The following STYK1 variants were observed in gnomAD, a reference collection of about 807,000 sequenced individuals.
STYK1 encodes the protein tyrosine-protein kinase STYK1.
Under a neutral mutation model 48.1 loss-of-function variants are expected in STYK1, and 46 were observed. That is an observed-to-expected ratio of 0.96 (90% confidence interval 0.75 to 1.22). The LOEUF (loss-of-function observed/expected upper bound fraction) is 1.22, where lower values mean the gene tolerates loss of function less well. Among genes scored for constraint, STYK1 ranks in the 50% most tolerant of loss-of-function variants. STYK1 has a pLI of 0.00. For synonymous variants in STYK1, 188 were observed against 189.0 expected (o/e 0.99, Z 0.04); for missense variants, 527 against 521.1 (o/e 1.01, Z -0.11).
intron 1 of STYK1, among the ~76,000 whole-genome samples, chr12:10,654,102 C>T (rs1454111030): frequency 2.0e-5 from 3 of 152,192 alleles, no homozygotes; most frequent in African/African-American, 7.2e-5. Flanking sequence ...AATTATAATG[C>T]ATTAGCATGC....
At chr12:10,668,241 C>T (rs7297205) in intron 1 of STYK1, among the ~76,000 whole-genome samples, 72,052 of 151,858 alleles carry the variant, frequency 0.47, 18,743 homozygotes, top group African/African-American at 0.71. Context: ...AGGTGCCTTG[C>T]TGTTTGCTCA....
At chr12:10,629,790 T>C (rs1947402335) in intron 5 of STYK1, 116 bp from the exon 6 acceptor site, 1 of 1,114,190 alleles carries the variant, frequency 9.0e-7, no homozygotes, top group Non-Finnish European at 1.3e-6. Context: ...TGGGAGTGAA[T>C]GAAGGCAAAA....
chr12:10,628,578 C>T (rs1276405790), intron 6 of STYK1, among the ~76,000 whole-genome samples: 1 of 152,146 alleles, frequency 6.6e-6, no homozygotes, highest in East Asian at 1.9e-4. Flanking sequence ...ATAACAGGGT[C>T]CCTTTCTCAT....
At chr12:10,624,961 T>A in intron 7 of STYK1, 102 bp from the exon 8 acceptor site, 3 of 975,260 alleles carry the variant, frequency 3.1e-6, no homozygotes, top group Non-Finnish European at 4.8e-6. Context: ...CAAGGACATT[T>A]TCTACTCTGA....
At chr12:10,634,177 G>A in intron 3 of STYK1, 53 bp from the exon 4 acceptor site, 3 of 1,576,346 alleles carry the variant, frequency 1.9e-6, no homozygotes, top group Non-Finnish European at 2.6e-6. Context: ...CTAACCTGGT[G>A]TTCATGCAAT....
chr12:10,631,465 T>C (rs554431930), intron 4 of STYK1, among the ~76,000 whole-genome samples, 157 bp from the exon 5 acceptor site: 3 of 152,332 alleles, frequency 2.0e-5, no homozygotes, highest in African/African-American at 4.8e-5. Context: ...AGCATCAATG[T>C]CAAGTTTGTA....
At chr12:10,641,791 C>T (rs1190075925) in intron 1 of STYK1, among the ~76,000 whole-genome samples, 26 of 152,194 alleles carry the variant, frequency 1.7e-4, no homozygotes, top group Non-Finnish European at 3.8e-4. Context: ...CCTCCTGCCT[C>T]ATTCTGTACA....
chr12:10,655,754 T>C (rs1267084879), intron 1 of STYK1, among the ~76,000 whole-genome samples: 4 of 152,204 alleles, frequency 2.6e-5, no homozygotes, highest in Non-Finnish European at 5.9e-5. Context: ...AGGTTACCTT[T>C]GGTAAAGCTT....
In STYK1 at chr12:10,621,952, C is replaced by A. The variant is rs61730096; in HGVS notation, c.988G>T (p.Val330Phe). 1 of 1,613,848 alleles carries A rather than the reference C, an allele frequency of 6.2e-7. No individual in the cohort carries two copies. The change falls in exon 10 of 11, where the codon GTC becomes TTC. Residue 330 changes from valine (V) to phenylalanine (F), a missense_variant. Physicochemically the swap from Val to Phe is conservative, Grantham distance 50 (BLOSUM62 -1). Coordinates refer to ENST00000075503, the MANE Select transcript of STYK1 (RefSeq NM_018423.3). ...TGCTCTAGGATGCTGGTAGGAGGGA[C>A]TTCAGGATACGGTGGTGCTCCTGTC... ...VTLGAPPYPE[V>F]PPTSILEHLQ...
rs934384620 is a variant in STYK1 at position 10,672,979 on chromosome 12, T to A, written c.-195+987A>T. On this transcript the variant is annotated intron_variant, in intron 1 of 10. Transcript: ENST00000075503. This position sits in a 1 kb window ranked among gnomAD's most constrained non-coding sequence, Gnocchi z 4.0. The stretch of plus-strand genomic sequence containing the variant: ...TATTTCAGTTGAGCTGTGCTGCACA[T>A]TACAGTAACTCGACTCCTTTATTGC... 6.6e-6 allele frequency among the ~76,000 whole-genome samples: 1 copy of A among 152,068 alleles called. No homozygotes were observed. The highest frequency in any genetic ancestry group is 6.5e-5 in the Admixed American group (1 of 15,282).
Position 10,619,972 on chromosome 12 carries a change from G to T in STYK1, c.*172C>A. 1 of 714,612 alleles carries T rather than the reference G, an allele frequency of 1.4e-6. No homozygotes were observed. Among genetic ancestry groups the T allele is most frequent in the Non-Finnish European group, 2.4e-6 (1 of 425,086 alleles). The allele number at this position is 714,612 out of a possible 1,614,324, so 44.3% of individuals were successfully genotyped here. A position where few individuals can be genotyped will look rare whatever the true frequency, so the allele number is the denominator to read the frequency against. On this transcript the variant is annotated 3_prime_UTR_variant, in exon 11 of 11. Coordinates refer to ENST00000075503, the MANE Select transcript of STYK1 (RefSeq NM_018423.3). ...GACAGTATGTCTTAGCTCAGGATGT[G>T]TAGAGTCCCATCCAGCATCATTTCA...
chr12:10,628,497 T>C (rs751008633), intron 6 of STYK1, among the ~76,000 whole-genome samples: 7 of 152,188 alleles, frequency 4.6e-5, no homozygotes, highest in Non-Finnish European at 8.8e-5. Context: ...TTTAGATGAG[T>C]GACCTCTTTA....
At chr12:10,634,949 A>G (rs1344084844) in intron 2 of STYK1, among the ~76,000 whole-genome samples, 1 of 152,078 alleles carries the variant, frequency 6.6e-6, no homozygotes, top group East Asian at 1.9e-4. Flanking sequence ...ACTGTTACTG[A>G]AATTATTTTA....
intron 6 of STYK1, among the ~76,000 whole-genome samples, chr12:10,629,249 A>G (rs536947058): frequency 6.6e-6 from 1 of 152,322 alleles, no homozygotes; most frequent in East Asian, 1.9e-4. Flanking sequence ...TAGTTTCTCC[A>G]TCACATCAGC....
intron 4 of STYK1, 84 bp from the exon 5 acceptor site, chr12:10,631,392 G>T (rs1482728521): frequency 2.0e-6 from 3 of 1,538,418 alleles, no homozygotes; most frequent in African/African-American, 1.4e-5. Context: ...TGGCAAGGAG[G>T]TTCCTTCAGC....
chr12:10,666,913 G>C lies in STYK1; in HGVS notation c.-195+7053C>G, dbSNP rs1947839700. Among the ~76,000 whole-genome samples, 4 of 152,170 alleles carry C rather than the reference G, an allele frequency of 2.6e-5. No homozygotes were observed. The South Asian group carries it at 8.3e-4, about 31-fold the overall frequency. On this transcript the variant is annotated intron_variant, in intron 1 of 10. Transcript: ENST00000075503. ...CAGTCTTGGGCAGTTCTTTATAGCA[G>C]TGTGAGAAAGGACTAGTACACATGT...
In STYK1 at chr12:10,629,616, G is replaced by A; in HGVS notation, c.510C>T (p.Tyr170=). The A allele has an allele frequency of 6.2e-7, 1 of 1,614,190 alleles. No homozygotes were observed. The highest frequency in any genetic ancestry group is 2.2e-5 in the East Asian group (1 of 44,876). ...GCACCAGGTTTTTGTGTTTCCCCAG[G>A]TATTGATGGAATTGGATTCGCCCTA... is the stretch of plus-strand genomic sequence containing the variant. ...DFLGRIQFHQ[Y]LGKHKNLVQL... is the part of the protein sequence containing the mutation. The change falls in exon 6 of 11, where the codon TAC becomes TAT. Residue 170 remains tyrosine (Y), a synonymous_variant. Coordinates refer to ENST00000075503, the MANE Select transcript of STYK1 (RefSeq NM_018423.3).
chr12:10,622,978 C>T (rs553398635), intron 8 of STYK1, among the ~76,000 whole-genome samples: 1 of 148,952 alleles, frequency 6.7e-6, no homozygotes, highest in Non-Finnish European at 1.5e-5. Flanking sequence ...ACACATTTAC[C>T]TCAATCACAA....
At chr12:10,642,701 T>A (rs1947558556) in intron 1 of STYK1, among the ~76,000 whole-genome samples, 1 of 152,232 alleles carries the variant, frequency 6.6e-6, no homozygotes. Flanking sequence ...GATTTAAAAC[T>A]TTTTATACTT....
Sources: gnomAD v4.1 joint callset for allele counts (sites outside exome capture counted in the v4.1 genomes callset) on GRCh38, gnomAD v4.1.1 for gene constraint, Gnocchi (gnomAD v3.1) non-coding constraint, MANE v1.5 for transcripts, NCBI Gene and HGNC (gene_info 2026-07-23, HGNC 2026-07-21) for gene names.